Variants in FAM120AOS observed in about 807,000 individuals in gnomAD.
The protein encoded by FAM120AOS is family with sequence similarity 120 member A opposite strand, also known as uncharacterized protein FAM120AOS.
Under a neutral mutation model 20.2 loss-of-function variants are expected in FAM120AOS, and 15 were observed. The ratio of observed to expected loss-of-function variants is 0.74; its 90% CI spans 0.50 to 1.15. FAM120AOS has a LOEUF of 1.15. Among genes scored for constraint, FAM120AOS ranks in the 50% most tolerant of loss-of-function variants. FAM120AOS has a pLI of 0.00. For missense variants in FAM120AOS, 327 were observed against 351.9 expected (o/e 0.93, Z 0.57); for synonymous variants, 154 against 154.0 (o/e 1.00, Z 0.00).
At chr9:93,451,352 C>A (rs549298441) in intron 1 of FAM120AOS, 14 of 1,427,408 alleles carry the variant, frequency 9.8e-6, no homozygotes, top group Non-Finnish European at 1.3e-5. Context: ...CTTCCCTTCG[C>A]CCGAGAACCA....
rs775745010 is a variant in FAM120AOS at position 93,450,517 on chromosome 9, C to A, written c.646G>T (p.Gly216Cys). Reference sequence around the variant, plus strand: ...AGTATGGGGGCTTCTTTGGCCAAACCGTGCGCGTGCAGGCTCCATGTGCTG... The same window carrying A: ...AGTATGGGGGCTTCTTTGGCCAAACAGTGCGCGTGCAGGCTCCATGTGCTG... ...LPSTWSLHAH[G>C]LAKEAPILPV... The change falls in exon 2 of 3, where the codon GGT (glycine) becomes TGT (cysteine). Residue 216 changes from glycine (G) to cysteine (C), a missense_variant. Coordinates refer to ENST00000375412, the MANE Select transcript of FAM120AOS (RefSeq NM_198841.4). 1.3e-6 allele frequency: 2 copies of A among 1,596,472 alleles called. No individual in the cohort carries two copies. Among genetic ancestry groups the A allele is most frequent in the South Asian group, 2.3e-5 (2 of 88,542 alleles).
Position 93,452,456 on chromosome 9 carries a change from G to A in FAM120AOS, c.254C>T (p.Ala85Val). The A allele has an allele frequency of 1.9e-6, 3 of 1,553,148 alleles. No individual in the cohort carries two copies. Among genetic ancestry groups the A allele is most frequent in the South Asian group, 1.2e-5 (1 of 86,182 alleles). Residue 85 changes from alanine (A) to valine (V), a missense_variant, in exon 1 of 3, where the codon GCC (alanine) becomes GTC (valine). Coordinates refer to ENST00000375412, the MANE Select transcript of FAM120AOS (RefSeq NM_198841.4). The surrounding 1 kb of genome is among the most constrained non-coding windows in gnomAD (Gnocchi z 7.0). ...QRRHGRATFCALGRGIGVRRG... is the reference protein window; with the variant it reads ...QRRHGRATFCVLGRGIGVRRG... ...CCGCACCCCTATCCCCCTTCCCAGG[G>A]CGCAGAATGTCGCCCGGCCGTGGCG...
intron 2 of FAM120AOS, among the ~76,000 whole-genome samples, chr9:93,449,492 A>ATTTTTTTTTTTTTTT (rs10667664): frequency 9.1e-6 from 1 of 109,534 alleles, no homozygotes; most frequent in African/African-American, 3.7e-5. Context: ...TGGCACTGGC[A>ATTTTTTTTTTTTTTT]TTTTTTTTTT....
intron 2 of FAM120AOS, among the ~76,000 whole-genome samples, chr9:93,448,157 G>A (rs964276560): frequency 1.3e-5 from 2 of 152,162 alleles, no homozygotes; most frequent in African/African-American, 4.8e-5. Flanking sequence ...AAACTCATCT[G>A]TTATTGTTGG....
At chr9:93,450,918 C>T (rs1857128443) in intron 1 of FAM120AOS, 6 of 1,149,400 alleles carry the variant, frequency 5.2e-6, no homozygotes, top group African/African-American at 1.5e-5. Context: ...GCAGTGGTAA[C>T]GCAGGCTTTC....
At position 93,447,510 on chromosome 9, in the gene FAM120AOS, A is replaced by G; in HGVS notation, c.*101T>C. Reference sequence around the variant, plus strand: ...TAGAGAGAACTCTGAAACCAGAAGCAGAAGCTGAGGAATGGTGAATAGAGC... The same window carrying G: ...TAGAGAGAACTCTGAAACCAGAAGCGGAAGCTGAGGAATGGTGAATAGAGC... On this transcript the variant is annotated 3_prime_UTR_variant, in exon 3 of 3. Transcript: ENST00000375412. The G allele has an allele frequency of 9.3e-7, 1 of 1,080,356 alleles. No homozygotes were observed. The highest frequency in any genetic ancestry group is 1.4e-6 in the Non-Finnish European group (1 of 718,484). The allele number at this position is 1,080,356 out of a possible 1,614,324, so 66.9% of individuals were successfully genotyped here.
At position 93,453,157 on chromosome 9, in the gene FAM120AOS, CAG is replaced by C. The variant is rs1385842287; in HGVS notation, c.-450_-449del. On this transcript the variant is annotated 5_prime_UTR_variant, in exon 1 of 3. Transcript: ENST00000375412. ...CCATGCGAAAGGAGTCGCTCAAAAT[CAG>C]GGGGCGAACTACGCGGGCGTGAACT... The C allele has an allele frequency of 3.6e-5, 36 of 1,002,834 alleles. No individual in the cohort carries two copies. Among genetic ancestry groups the C allele is most frequent in the Middle Eastern group, 4.9e-4 (1 of 2,028 alleles). The allele number at this position is 1,002,834 out of a possible 1,614,324, so 62.1% of individuals were successfully genotyped here.
At chr9:93,450,348 G>GT in intron 2 of FAM120AOS, 131 bp downstream of exon 2, 1 of 1,340,308 alleles carries the variant, frequency 7.5e-7, no homozygotes, top group Non-Finnish European at 1.0e-6. Flanking sequence ...GCATAGGTGA[G>GT]TGGCATAACT....
At position 93,450,585 on chromosome 9, in the gene FAM120AOS, C is replaced by T; in HGVS notation, c.578G>A (p.Gly193Glu). 2 of 1,606,902 alleles carry T rather than the reference C, an allele frequency of 1.2e-6. No homozygotes were observed. Among genetic ancestry groups the T allele is most frequent in the Non-Finnish European group, 1.7e-6 (2 of 1,176,888 alleles). ...LASAARNLCRGAGCNRQAVAG... is the reference protein window; with the variant it reads ...LASAARNLCREAGCNRQAVAG... ...CACAGCCTGTCGGTTGCATCCTGCTCCTCTACAGAGGTTTCTCCAAAAAAA... is the reference window on the plus strand; with the variant it reads ...CACAGCCTGTCGGTTGCATCCTGCTTCTCTACAGAGGTTTCTCCAAAAAAA... Residue 193 changes from glycine (G) to glutamate (E), a missense_variant, in exon 2 of 3, where the codon GGA becomes GAA. By Grantham distance (98) the Gly-to-Glu change is moderately conservative. Coordinates refer to ENST00000375412, the MANE Select transcript of FAM120AOS (RefSeq NM_198841.4).
chr9:93,452,943 C>T lies in FAM120AOS; in HGVS notation c.-234G>A, dbSNP rs1366111077. 7.2e-7 allele frequency: 1 copy of T among 1,397,652 alleles called. No individual in the cohort carries two copies. The highest frequency in any genetic ancestry group is 9.2e-7 in the Non-Finnish European group (1 of 1,081,190). The allele number at this position is 1,397,652 out of a possible 1,614,324, so 86.6% of individuals were successfully genotyped here. A position where few individuals can be genotyped will look rare whatever the true frequency, so the allele number is the denominator to read the frequency against. ...CGAGACGTGTCTAAGGGCCAGTGCC[C>T]TGGCCTCTACTTCAGAACGCAGTGC... On this transcript the variant is annotated 5_prime_UTR_variant, in exon 1 of 3. Transcript: ENST00000375412. The surrounding 1 kb of genome is among the most constrained non-coding windows in gnomAD (Gnocchi z 7.0).
In FAM120AOS at chr9:93,452,605, C is replaced by G; in HGVS notation, c.105G>C (p.Pro35=). The G allele has an allele frequency of 6.3e-7, 1 of 1,598,938 alleles. No homozygotes were observed. The highest frequency in any genetic ancestry group is 8.5e-7 in the Non-Finnish European group (1 of 1,179,676). The change falls in exon 1 of 3, where the codon CCG becomes CCC. Residue 35 remains proline (P), a synonymous_variant. Coordinates refer to ENST00000375412, the MANE Select transcript of FAM120AOS (RefSeq NM_198841.4). This position sits in a 1 kb window ranked among gnomAD's most constrained non-coding sequence, Gnocchi z 7.0. ...PSSVPTRPRT[P]NRDSWRRAWA... ...AAGCCCGTCTCCAGCTGTCCCTGTT[C>G]GGGGTCCGCGGCCGCGTGGGGACAC...
intron 1 of FAM120AOS, chr9:93,451,814 G>GGCCGCC (rs1165040602): frequency 1.1e-6 from 1 of 945,048 alleles, no homozygotes; most frequent in Non-Finnish European, 1.2e-6. Flanking sequence ...CCCCCCTAGA[G>GGCCGCC]GCCGCCGCCC....
At chr9:93,447,894 G>A (rs1856915199) in intron 2 of FAM120AOS, among the ~76,000 whole-genome samples, 197 bp from the exon 3 acceptor site, 1 of 152,180 alleles carries the variant, frequency 6.6e-6, no homozygotes, top group African/African-American at 2.4e-5. Context: ...CTGCAGTGTG[G>A]TCAGTTACTG....
rs2131119316 is a variant in FAM120AOS at position 93,445,056 on chromosome 9, T to C, written c.*2555A>G. On this transcript the variant is annotated 3_prime_UTR_variant, in exon 3 of 3. Coordinates refer to ENST00000375412, the MANE Select transcript of FAM120AOS (RefSeq NM_198841.4). ...GTTCTTGAGATGTTTGGGCTGACCA[T>C]GAAGGGATCCATTATCTGAAGAGTG... 6.6e-6 allele frequency among the ~76,000 whole-genome samples: 1 copy of C among 152,342 alleles called. No individual in the cohort carries two copies. The highest frequency in any genetic ancestry group is 1.9e-4 in the East Asian group (1 of 5,188).
intron 1 of FAM120AOS, chr9:93,451,350 C>A (rs1269906270): frequency 4.2e-6 from 6 of 1,427,486 alleles, no homozygotes; most frequent in East Asian, 5.1e-5. Context: ...GGCTTCCCTT[C>A]GCCCGAGAAC....
At chr9:93,448,762 C>T (rs1385967132) in intron 2 of FAM120AOS, among the ~76,000 whole-genome samples, 4 of 151,922 alleles carry the variant, frequency 2.6e-5, no homozygotes, top group Admixed American at 1.3e-4. Context: ...GGACTATAGG[C>T]GCCTGCCACC....
intron 1 of FAM120AOS, chr9:93,451,531 T>G (rs1444042585): frequency 1.0e-6 from 1 of 990,106 alleles, no homozygotes; most frequent in African/African-American, 1.8e-5. Flanking sequence ...GGCCTCCGCC[T>G]CCGCCGCCGC....
In FAM120AOS at chr9:93,447,567, T is replaced by C. The variant is rs115808552; in HGVS notation, c.*44A>G. 2.0e-3 allele frequency: 3,080 copies of C among 1,568,260 alleles called. 58 individuals carry two copies. In the African/African-American group the frequency reaches 0.036, roughly 18 times the overall value. On this transcript the variant is annotated 3_prime_UTR_variant, in exon 3 of 3. Transcript: ENST00000375412. ...CCTCACACGATGGGTATCAGGGTGG[T>C]TTCTTGTCCTTTCAATGCCTCTGCA...
chr9:93,447,387 T>C lies in FAM120AOS; in HGVS notation c.*224A>G, dbSNP rs1163698746. 2.1e-6 allele frequency: 1 copy of C among 487,770 alleles called. No individual in the cohort carries two copies. Among genetic ancestry groups the C allele is most frequent in the African/African-American group, 1.9e-5 (1 of 52,106 alleles). 30.2% of individuals were successfully genotyped at this position (487,770 alleles called of 1,614,324 possible). A position where few individuals can be genotyped will look rare whatever the true frequency, so the allele number is the denominator to read the frequency against. On this transcript the variant is annotated 3_prime_UTR_variant, in exon 3 of 3. Transcript: ENST00000375412. ...TCTTATTTTCTTGTTGACTCTACTCTGACTTAGGACATATCACTTTCCTCT... is the reference window on the plus strand; with the variant it reads ...TCTTATTTTCTTGTTGACTCTACTCCGACTTAGGACATATCACTTTCCTCT...
Sources: gnomAD v4.1 joint callset for allele counts (sites outside exome capture counted in the v4.1 genomes callset) on GRCh38, gnomAD v4.1.1 for gene constraint, Gnocchi (gnomAD v3.1) non-coding constraint, MANE v1.5 for transcripts, NCBI Gene and HGNC (gene_info 2026-07-23, HGNC 2026-07-21) for gene names.